The following PTPRR variants were observed in gnomAD, a reference collection of about 807,000 sequenced individuals.
PTPRR encodes the protein receptor-type tyrosine-protein phosphatase R.
PTPRR carries 38 observed loss-of-function variants against 77.2 expected under a neutral mutation model. The ratio of observed to expected loss-of-function variants is 0.49; its 90% CI spans 0.38 to 0.65. The LOEUF (loss-of-function observed/expected upper bound fraction) is 0.65, where lower values mean the gene tolerates loss of function less well. Among genes scored for constraint, PTPRR ranks in the 30% least tolerant of loss-of-function variants. PTPRR has a pLI of 0.00. For synonymous variants in PTPRR, 299 were observed against 283.1 expected (o/e 1.06, Z -0.57); for missense variants, 744 against 799.2 (o/e 0.93, Z 0.83).
intron 10 of PTPRR, among the ~76,000 whole-genome samples, chr12:70,681,440 C>T (rs563750550): frequency 2.6e-5 from 4 of 152,318 alleles, no homozygotes; most frequent in African/African-American, 9.6e-5. Context: ...GTGCAGATGT[C>T]TGTGACATTA....
At position 70,892,901 on chromosome 12, in the gene PTPRR, C is replaced by A. The variant is rs747249413; in HGVS notation, c.135G>T (p.Lys45Asn). 4.3e-6 allele frequency: 7 copies of A among 1,613,324 alleles called. No individual in the cohort carries two copies. Among genetic ancestry groups the A allele is most frequent in the Non-Finnish European group, 5.1e-6 (6 of 1,179,554 alleles). ...GGCTCTTCTCAATGTCTTGTGAATG[C>A]TTATAAATGAATACCGGCTTCCCAC... is the stretch of plus-strand genomic sequence containing the variant. ...KKSGKPVFIY[K>N]HSQDIEKSLD... The change falls in exon 2 of 14, where the codon AAG (lysine) becomes AAT (asparagine). Residue 45 changes from lysine to asparagine, a missense_variant. Around this residue, in one of 3 missense-constraint regions of PTPRR, gnomAD observed 570 missense variants for 573.2 expected, o/e 0.99. Transcript: ENST00000283228.
Position 70,638,574 on chromosome 12 carries a change from A to G in PTPRR, c.*610T>C, listed in dbSNP as rs1369951409. ...TTGATAGGAGGGACTATAAATACAC[A>G]TTTAATAGGTAATATTATCAAGACA... On this transcript the variant is annotated 3_prime_UTR_variant, in exon 14 of 14. Transcript: ENST00000283228. The G allele has an allele frequency of 6.5e-6, 1 of 152,860 alleles. No homozygotes were observed. Among genetic ancestry groups the G allele is most frequent in the Non-Finnish European group, 1.5e-5 (1 of 68,230 alleles). 9.5% of individuals were successfully genotyped at this position (152,860 alleles called of 1,614,324 possible). A position where few individuals can be genotyped will look rare whatever the true frequency, so the allele number is the denominator to read the frequency against.
intron 2 of PTPRR, among the ~76,000 whole-genome samples, chr12:70,883,837 C>T (rs889110342): frequency 6.6e-6 from 1 of 152,128 alleles, no homozygotes; most frequent in African/African-American, 2.4e-5. Flanking sequence ...TCAAGATTGC[C>T]AGAAGAATTT....
At chr12:70,890,143 G>A (rs1017544858) in intron 2 of PTPRR, among the ~76,000 whole-genome samples, 1 of 152,054 alleles carries the variant, frequency 6.6e-6, no homozygotes, top group Non-Finnish European at 1.5e-5. Flanking sequence ...ATCTAAAGCG[G>A]TATTTTTTTC....
chr12:70,844,321 A>C (rs1405844034), intron 2 of PTPRR, among the ~76,000 whole-genome samples: 1 of 152,188 alleles, frequency 6.6e-6, no homozygotes, highest in Non-Finnish European at 1.5e-5. Context: ...CCATATGCAA[A>C]AGATGGGTCA....
intron 1 of PTPRR, among the ~76,000 whole-genome samples, chr12:70,900,071 A>G (rs1467326410): frequency 6.6e-6 from 1 of 151,574 alleles, no homozygotes; most frequent in East Asian, 1.9e-4. Flanking sequence ...CATGAATTAG[A>G]AGACTCTACA....
At chr12:70,803,364 A>T (rs571266165) in intron 2 of PTPRR, among the ~76,000 whole-genome samples, 1 of 152,308 alleles carries the variant, frequency 6.6e-6, no homozygotes, top group South Asian at 2.1e-4. Context: ...AATCACCAAA[A>T]GAAGCACTCT....
At chr12:70,672,079 C>T (rs1335295071) in intron 10 of PTPRR, 2 of 1,355,832 alleles carry the variant, frequency 1.5e-6, no homozygotes, top group African/African-American at 1.4e-5. Context: ...GGGTTATCAA[C>T]CTCAATGCCT....
chr12:70,891,444 G>C (rs1893334336), intron 2 of PTPRR, among the ~76,000 whole-genome samples: 1 of 152,008 alleles, frequency 6.6e-6, no homozygotes. Context: ...CAGAGTACAT[G>C]ACTTTCACCT....
chr12:70,775,606 C>T (rs1332952936), intron 2 of PTPRR, among the ~76,000 whole-genome samples: 1 of 152,198 alleles, frequency 6.6e-6, no homozygotes, highest in Admixed American at 6.5e-5. Context: ...GGACCACACC[C>T]AGTGGTCCAG....
At chr12:70,745,133 C>T (rs796713268) in intron 6 of PTPRR, among the ~76,000 whole-genome samples, 14 of 152,106 alleles carry the variant, frequency 9.2e-5, no homozygotes, top group African/African-American at 2.7e-4. Flanking sequence ...GATGCTATCT[C>T]GGCTCACTGC....
At chr12:70,813,002 A>G (rs1282156139) in intron 2 of PTPRR, among the ~76,000 whole-genome samples, 1 of 152,230 alleles carries the variant, frequency 6.6e-6, no homozygotes, top group African/African-American at 2.4e-5. Context: ...TCTGAGAGAA[A>G]GAATTTTAGA....
rs1887270011 is a variant in PTPRR, at chr12:70,672,495, T to C, written c.1498-9890A>G. ...TCACTGCGGCTCATAACGTGAGTGC[T>C]CATGACTGGCAAATGAGACATGATG... On this transcript the variant is annotated intron_variant, in intron 10 of 13. Coordinates refer to ENST00000283228, the MANE Select transcript of PTPRR (RefSeq NM_002849.4). 126 of 1,193,202 alleles carry C rather than the reference T, an allele frequency of 1.1e-4. 4 individuals are homozygous for C. In the South Asian group the frequency reaches 1.5e-3, roughly 14 times the overall value. The allele number at this position is 1,193,202 out of a possible 1,614,324, so 73.9% of individuals were successfully genotyped here.
At position 70,701,300 on chromosome 12, in the gene PTPRR, G is replaced by A. The variant is rs779047844; in HGVS notation, c.1031C>T (p.Thr344Ile). ...GTTCCCCAAGCTACTCATGTCCAAT[G>A]TAAGAGATACGTTGGACCCTCTTCT... ...QERRGSNVSL[T>I]LDMSSLGNIE... Residue 344 changes from threonine to isoleucine, a missense_variant, in exon 7 of 14, where the codon ACA (threonine) becomes ATA (isoleucine). By Grantham distance (89) the Thr-to-Ile change is moderately conservative. This residue lies in a region of PTPRR where 570 missense variants were observed against 573.2 expected (regional missense o/e 0.99). Coordinates refer to ENST00000283228, the MANE Select transcript of PTPRR (RefSeq NM_002849.4). 1.2e-5 allele frequency: 20 copies of A among 1,613,706 alleles called. No individual in the cohort carries two copies. Among genetic ancestry groups the A allele is most frequent in the Non-Finnish European group, 1.5e-5 (18 of 1,179,866 alleles).
chr12:70,809,913 A>T (rs1376773268), intron 2 of PTPRR, among the ~76,000 whole-genome samples: 2 of 152,204 alleles, frequency 1.3e-5, no homozygotes, highest in Admixed American at 1.3e-4. Flanking sequence ...TTGATATATT[A>T]TCTAATTTTG....
intron 2 of PTPRR, among the ~76,000 whole-genome samples, chr12:70,768,540 C>T (rs1164578710): frequency 6.6e-6 from 1 of 152,056 alleles, no homozygotes; most frequent in Admixed American, 6.6e-5. Context: ...CAAAAAGAGT[C>T]CAGGACCAGA....
In PTPRR at chr12:70,854,207, T is replaced by G. The variant is rs200547116; in HGVS notation, c.357+38472A>C. Among the ~76,000 whole-genome samples the G allele has an allele frequency of 1.2e-4, 18 of 152,146 alleles. No homozygotes were observed. In the East Asian group the frequency reaches 2.5e-3, roughly 21 times the overall value. ...AGTCCCCTAGTTTGAATGCTAAGAGTTTTTTGGGAATCACATTCAACTTCT... is the reference window on the plus strand; with the variant it reads ...AGTCCCCTAGTTTGAATGCTAAGAGGTTTTTGGGAATCACATTCAACTTCT... On this transcript the variant is annotated intron_variant, in intron 2 of 13. Coordinates refer to ENST00000283228, the MANE Select transcript of PTPRR (RefSeq NM_002849.4).
chr12:70,743,762 T>C (rs1429545918), intron 6 of PTPRR, among the ~76,000 whole-genome samples: 1 of 152,162 alleles, frequency 6.6e-6, no homozygotes, highest in African/African-American at 2.4e-5. Flanking sequence ...CGTCCTTGTA[T>C]TCGCCCTTCT....
intron 1 of PTPRR, among the ~76,000 whole-genome samples, chr12:70,902,876 T>A (rs1302557739): frequency 6.6e-6 from 1 of 151,612 alleles, no homozygotes; most frequent in Non-Finnish European, 1.5e-5. Flanking sequence ...GTACCCCCAA[T>A]AACTTATGGG....
Sources: allele counts gnomAD v4.1 joint callset (sites outside exome capture counted in the v4.1 genomes callset), GRCh38; gene constraint gnomAD v4.1.1; regional missense constraint gnomAD v4.1.1; transcripts MANE v1.5; gene names NCBI Gene and HGNC (gene_info 2026-07-23, HGNC 2026-07-21).